Variants in DIP2C observed in about 807,000 individuals in gnomAD.
The protein encoded by DIP2C is DIP2 acetate--CoA ligase C (putative).
DIP2C carries 33 observed loss-of-function variants against 192.4 expected under a neutral mutation model. That is an observed-to-expected ratio of 0.17 (90% CI 0.13 to 0.23). The LOEUF is 0.23. Ranked by LOEUF, DIP2C falls within the 10% of genes least tolerant of loss-of-function variation. DIP2C has a pLI of 1.00. For missense variants in DIP2C, 1,537 were observed against 2,110.1 expected, an observed-to-expected ratio of 0.73 and a Z score of 5.32; for synonymous variants, 979 against 864.1, an observed-to-expected ratio of 1.13 and a Z score of -2.33.
intron 18 of DIP2C, 44 bp from the exon 19 acceptor site, chr10:366,455 G>A: frequency 1.2e-6 from 2 of 1,612,528 alleles, no homozygotes; most frequent in Non-Finnish European, 1.7e-6. Flanking sequence ...GAGGGGGCAG[G>A]TGGGGAGAAT....
At chr10:537,059 C>CA (rs998193001) in intron 1 of DIP2C, among the ~76,000 whole-genome samples, 11 of 152,238 alleles carry the variant, frequency 7.2e-5, no homozygotes, top group African/African-American at 2.7e-4. Context: ...TGCACCCTGT[C>CA]AGGCAGCCTG....
chr10:423,609 G>A (rs528488528), intron 4 of DIP2C, among the ~76,000 whole-genome samples: 3 of 152,136 alleles, frequency 2.0e-5, no homozygotes, highest in East Asian at 1.9e-4. Context: ...CTACATCAGT[G>A]TGTTAGATAC....
At chr10:303,498 A>C (rs1325332108) in intron 32 of DIP2C, among the ~76,000 whole-genome samples, 1 of 152,064 alleles carries the variant, frequency 6.6e-6, no homozygotes, top group Non-Finnish European at 1.5e-5. Flanking sequence ...CTTTATATCA[A>C]GTTTTCTATT....
intron 22 of DIP2C, 34 bp from the exon 23 acceptor site, chr10:357,971 CAA>C (rs1162532199): frequency 2.6e-6 from 4 of 1,557,234 alleles, no homozygotes; most frequent in Non-Finnish European, 3.5e-6. Flanking sequence ...CATGAGGAAA[CAA>C]AAGAGAAATT....
intron 1 of DIP2C, among the ~76,000 whole-genome samples, chr10:500,558 T>C (rs1231504970): frequency 6.6e-6 from 1 of 152,262 alleles, no homozygotes; most frequent in Non-Finnish European, 1.5e-5. Context: ...ATACCTATTG[T>C]GTGCCATGCA....
At position 651,523 on chromosome 10, in the gene DIP2C, G is replaced by A; in HGVS notation, c.85+37971C>T. The A allele has an allele frequency of 4.0e-6, 2 of 496,504 alleles. No individual in the cohort carries two copies. The highest frequency in any genetic ancestry group is 3.1e-5 in the Admixed American group (1 of 32,072). The allele number at this position is 496,504 out of a possible 1,614,324, so 30.8% of individuals were successfully genotyped here. On this transcript the variant is annotated intron_variant, in intron 1 of 36. Coordinates refer to ENST00000280886, the MANE Select transcript of DIP2C (RefSeq NM_014974.3). This position sits in a 1 kb window ranked among gnomAD's most constrained non-coding sequence, Gnocchi z 4.1. ...ATCCGTATCCACGTGAAGGTATTAT[G>A]CAAAAAAAGCTTAACTTTGTTTCAG...
At chr10:361,163 A>AAT (rs1002437046) in intron 22 of DIP2C, among the ~76,000 whole-genome samples, 5 of 152,144 alleles carry the variant, frequency 3.3e-5, no homozygotes, top group African/African-American at 4.8e-5. Context: ...TGAGACACTA[A>AAT]ATATATATAT....
chr10:352,905 G>C (rs147208606), intron 24 of DIP2C, among the ~76,000 whole-genome samples: 2 of 152,082 alleles, frequency 1.3e-5, no homozygotes, highest in African/African-American at 4.8e-5. Flanking sequence ...CAGGAGAAAT[G>C]CCAGTAACTT....
At chr10:603,327 A>AC (rs1852227514) in intron 1 of DIP2C, among the ~76,000 whole-genome samples, 2 of 135,990 alleles carry the variant, frequency 1.5e-5, no homozygotes, top group Non-Finnish European at 3.1e-5. Flanking sequence ...AAAAAAAAAA[A>AC]AAAAAACCAA....
At chr10:548,202 T>TGGGGGGGGGGGGGGGGGG (rs1848390744) in intron 1 of DIP2C, among the ~76,000 whole-genome samples, 1 of 58,296 alleles carries the variant, frequency 1.7e-5, no homozygotes, top group Admixed American at 2.3e-4. Flanking sequence ...CACACGAGTC[T>TGGGGGGGGGGGGGGGGGG]GCCCCACCCC....
intron 1 of DIP2C, among the ~76,000 whole-genome samples, chr10:618,231 G>A (rs1357538767): frequency 2.0e-5 from 3 of 152,176 alleles, no homozygotes; most frequent in African/African-American, 7.2e-5. Context: ...TGGTCAAATG[G>A]TTCATTAATA....
chr10:353,786 G>A (rs1958937378), intron 24 of DIP2C, among the ~76,000 whole-genome samples: 1 of 152,212 alleles, frequency 6.6e-6, no homozygotes, highest in Non-Finnish European at 1.5e-5. Context: ...GGGGGCTGGT[G>A]TACGTGCTGA....
In DIP2C at chr10:332,046, T is replaced by C. The variant is rs563392357; in HGVS notation, c.3585-2445A>G. 3.1e-3 allele frequency among the ~76,000 whole-genome samples: 471 copies of C among 152,252 alleles called. 5 individuals carry two copies. The highest frequency in any genetic ancestry group is 6.8e-3 in the Middle Eastern group (2 of 292). On this transcript the variant is annotated intron_variant, in intron 29 of 36. Transcript: ENST00000280886. ...AAGTGATCCTCCCACTTCCCAAGTA[T>C]CTGGGACTAGAGGCACGTACCACCA...
intron 6 of DIP2C, among the ~76,000 whole-genome samples, chr10:417,289 C>T (rs1391904090): frequency 6.6e-6 from 1 of 152,154 alleles, no homozygotes; most frequent in Non-Finnish European, 1.5e-5. Context: ...CTGTGGGATT[C>T]TGGTGTGGGA....
intron 1 of DIP2C, among the ~76,000 whole-genome samples, chr10:513,547 C>A (rs930908903): frequency 3.3e-5 from 5 of 152,190 alleles, no homozygotes; most frequent in African/African-American, 1.2e-4. Flanking sequence ...TGCTTCTTGT[C>A]CACCGTGCCA....
At chr10:384,799 G>A (rs1296554377) in intron 14 of DIP2C, among the ~76,000 whole-genome samples, 160 bp from the exon 15 acceptor site, 2 of 151,258 alleles carry the variant, frequency 1.3e-5, no homozygotes, top group African/African-American at 4.9e-5. Context: ...CCTCAGGGTG[G>A]GGCTGGCAGG....
chr10:374,053 C>T (rs756814188), intron 17 of DIP2C, among the ~76,000 whole-genome samples: 1 of 152,174 alleles, frequency 6.6e-6, no homozygotes, highest in Non-Finnish European at 1.5e-5. Context: ...CCCCAACATT[C>T]TAAAACTCAC....
At chr10:612,381 T>A (rs1853155021) in intron 1 of DIP2C, among the ~76,000 whole-genome samples, 1 of 152,208 alleles carries the variant, frequency 6.6e-6, no homozygotes, top group South Asian at 2.1e-4. Flanking sequence ...AAGCATGTGT[T>A]TACATTTCAA....
chr10:475,234 C>T (rs1970967263), intron 2 of DIP2C, among the ~76,000 whole-genome samples: 1 of 152,198 alleles, frequency 6.6e-6, no homozygotes, highest in Non-Finnish European at 1.5e-5. Flanking sequence ...GTGTACAGCA[C>T]CCATGGCTGT....
Sources: allele counts gnomAD v4.1 joint callset (sites outside exome capture counted in the v4.1 genomes callset), GRCh38; gene constraint gnomAD v4.1.1; non-coding constraint Gnocchi (gnomAD v3.1); transcripts MANE v1.5; gene names NCBI Gene and HGNC (gene_info 2026-07-23, HGNC 2026-07-21).